The following GNG7 variants were observed in gnomAD, a reference collection of about 807,000 sequenced individuals.
The protein encoded by GNG7 is guanine nucleotide-binding protein G(I)/G(S)/G(O) subunit gamma-7.
GNG7 carries 1 observed loss-of-function variant against 4.0 expected under a neutral mutation model. The ratio of observed to expected loss-of-function variants is 0.25; its 90% CI spans 0.09 to 1.18. The LOEUF is 1.18. Ranked by LOEUF, GNG7 falls within the 50% of genes most tolerant of loss-of-function variation. The pLI is 0.50. For synonymous variants in GNG7, 34 were observed against 36.9 expected, an observed-to-expected ratio of 0.92 and a Z score of 0.29; for missense variants, 86 against 91.9, an observed-to-expected ratio of 0.94 and a Z score of 0.26.
intron 2 of GNG7, among the ~76,000 whole-genome samples, chr19:2,571,501 G>C (rs1034656229): frequency 1.3e-5 from 2 of 151,942 alleles, no homozygotes; most frequent in Non-Finnish European, 2.9e-5. Context: ...GATGGGTAGC[G>C]TGCAGGGGTG....
At chr19:2,623,687 C>A (rs1465571146) in intron 2 of GNG7, among the ~76,000 whole-genome samples, 5 of 152,142 alleles carry the variant, frequency 3.3e-5, no homozygotes, top group African/African-American at 1.2e-4. Context: ...TGGAGACCAG[C>A]CTGGGCAATG....
At chr19:2,568,254 T>C (rs1023089014) in intron 2 of GNG7, among the ~76,000 whole-genome samples, 2 of 140,198 alleles carry the variant, frequency 1.4e-5, no homozygotes, top group South Asian at 2.3e-4. Context: ...CATATAGACA[T>C]ACACACATAT....
chr19:2,627,438 C>T (rs535513029), intron 2 of GNG7, among the ~76,000 whole-genome samples: 122 of 152,322 alleles, frequency 8.0e-4, no homozygotes, highest in Admixed American at 1.5e-3. Context: ...CCACTTCCTC[C>T]GGGCGCCTGT....
intron 2 of GNG7, among the ~76,000 whole-genome samples, chr19:2,555,564 CG>C (rs1403077351): frequency 6.6e-6 from 1 of 152,318 alleles, no homozygotes; most frequent in East Asian, 1.9e-4. Context: ...TGGAATACTT[CG>C]GTGTTTTTCC....
chr19:2,671,328 C>A (rs945307304), intron 1 of GNG7, among the ~76,000 whole-genome samples: 3 of 152,098 alleles, frequency 2.0e-5, no homozygotes, highest in Non-Finnish European at 4.4e-5. Context: ...AGGCCGAGGA[C>A]CACCCCGGAT....
At chr19:2,628,149 G>A (rs1003756727) in intron 2 of GNG7, among the ~76,000 whole-genome samples, 7 of 152,204 alleles carry the variant, frequency 4.6e-5, no homozygotes, top group Admixed American at 1.3e-4. Flanking sequence ...AGTAACAACA[G>A]CGGCAACAAA....
At chr19:2,529,507 C>A (rs1027171164) in intron 3 of GNG7, among the ~76,000 whole-genome samples, 4 of 152,214 alleles carry the variant, frequency 2.6e-5, no homozygotes, top group Non-Finnish European at 5.9e-5. Context: ...CGTGAGCCAC[C>A]ACGCCCGGCC....
intron 1 of GNG7, among the ~76,000 whole-genome samples, chr19:2,692,315 G>A (rs1425682776): frequency 6.6e-6 from 1 of 152,048 alleles, no homozygotes; most frequent in African/African-American, 2.4e-5. Context: ...TGGCTTTGTT[G>A]TCCATCAAGT....
intron 2 of GNG7, among the ~76,000 whole-genome samples, chr19:2,607,307 C>T (rs990073353): frequency 6.6e-5 from 10 of 151,018 alleles, no homozygotes; most frequent in Admixed American, 3.3e-4. Flanking sequence ...CATCTGAGGT[C>T]GGGAGTTCAA....
Position 2,557,173 on chromosome 19 carries a change from C to T in GNG7, c.-77-1985G>A, listed in dbSNP as rs534686330. On this transcript the variant is annotated intron_variant, in intron 2 of 4. Coordinates refer to ENST00000382159, the MANE Select transcript of GNG7 (RefSeq NM_052847.3). The surrounding 1 kb of genome is among the most constrained non-coding windows in gnomAD (Gnocchi z 5.1). ...ATGCACACAAAGACACGCGCACACACGTACACACAAGACACGTGCACACAC... is the reference window on the plus strand; with the variant it reads ...ATGCACACAAAGACACGCGCACACATGTACACACAAGACACGTGCACACAC... Among the ~76,000 whole-genome samples the T allele has an allele frequency of 5.9e-5, 9 of 151,514 alleles. No homozygotes were observed. The South Asian group carries it at 1.2e-3, about 21-fold the overall frequency.
At chr19:2,535,472 C>G (rs907178504) in intron 3 of GNG7, among the ~76,000 whole-genome samples, 4 of 150,784 alleles carry the variant, frequency 2.7e-5, no homozygotes, top group African/African-American at 9.8e-5. Context: ...TGCACTCCAG[C>G]CTGGGTGACA....
At chr19:2,528,502 C>CA (rs398040841) in intron 3 of GNG7, among the ~76,000 whole-genome samples, 2,241 of 128,774 alleles carry the variant, frequency 0.017, 56 homozygotes, top group African/African-American at 0.054. Context: ...AGAATGGTCT[C>CA]AAAAAAAAAA....
At chr19:2,533,537 T>G (rs1051777461) in intron 3 of GNG7, among the ~76,000 whole-genome samples, 1 of 152,180 alleles carries the variant, frequency 6.6e-6, no homozygotes, top group South Asian at 2.1e-4. Context: ...CTTTAAGATC[T>G]GTTCATCTTA....
At chr19:2,540,252 G>A (rs1414214916) in intron 3 of GNG7, among the ~76,000 whole-genome samples, 1 of 151,988 alleles carries the variant, frequency 6.6e-6, no homozygotes, top group Admixed American at 6.6e-5. Context: ...CTGGGCCTAA[G>A]CCGTTCTCCT....
intron 2 of GNG7, among the ~76,000 whole-genome samples, chr19:2,602,232 G>A (rs1024002158): frequency 6.6e-6 from 1 of 152,160 alleles, no homozygotes; most frequent in Non-Finnish European, 1.5e-5. Context: ...AGCTACTTGG[G>A]AGGCTGAGAC....
At chr19:2,638,750 G>A (rs1046881417) in intron 2 of GNG7, among the ~76,000 whole-genome samples, 6 of 148,356 alleles carry the variant, frequency 4.0e-5, no homozygotes, top group African/African-American at 1.5e-4. Flanking sequence ...CTGGGGAGGG[G>A]AGGGGAGGGG....
At chr19:2,678,024 G>T (rs1051854588) in intron 1 of GNG7, among the ~76,000 whole-genome samples, 1 of 152,226 alleles carries the variant, frequency 6.6e-6, no homozygotes, top group African/African-American at 2.4e-5. Flanking sequence ...GACAAAGCCA[G>T]TCCCAACCTT....
chr19:2,540,278 G>A (rs1252745892), intron 3 of GNG7, among the ~76,000 whole-genome samples: 2 of 151,836 alleles, frequency 1.3e-5, no homozygotes, highest in African/African-American at 4.8e-5. Flanking sequence ...AGCCTCCCAA[G>A]TAGCTGGGAC....
intron 2 of GNG7, among the ~76,000 whole-genome samples, chr19:2,615,453 GGTTTT>G (rs1981694892): frequency 4.4e-5 from 5 of 112,808 alleles, no homozygotes; most frequent in African/African-American, 1.7e-4. Context: ...TGTCTTTTCC[GGTTTT>G]TTTTTTTTTT....
Sources: allele counts gnomAD v4.1 joint callset (sites outside exome capture counted in the v4.1 genomes callset), GRCh38; gene constraint gnomAD v4.1.1; non-coding constraint Gnocchi (gnomAD v3.1); transcripts MANE v1.5; gene names NCBI Gene and HGNC (gene_info 2026-07-23, HGNC 2026-07-21).